The following FRMPD2 variants were observed in gnomAD, a reference collection of about 807,000 sequenced individuals.
FRMPD2 encodes FERM and PDZ domain-containing protein 2.
FRMPD2 carries 96 observed loss-of-function variants against 140.1 expected under a neutral mutation model. The observed-to-expected ratio is 0.69, with a 90% CI of 0.58 to 0.81. The LOEUF (loss-of-function observed/expected upper bound fraction) is 0.81. Ranked by LOEUF, FRMPD2 falls within the 40% of genes least tolerant of loss-of-function variation. The probability of loss-of-function intolerance (pLI) is 0.00; values close to 1 mark genes in which losing one functional copy is unlikely to be tolerated. For synonymous variants in FRMPD2, 449 were observed against 547.6 expected (o/e 0.82, Z 2.52); for missense variants, 1,240 against 1,447.4 (o/e 0.86, Z 2.32).
intron 9 of FRMPD2, among the ~76,000 whole-genome samples, chr10:48,235,756 A>C (rs940380242): frequency 6.6e-6 from 1 of 152,220 alleles, no homozygotes; most frequent in Non-Finnish European, 1.5e-5. Context: ...CTCGGCCCCA[A>C]CTGGGCCCTG....
chr10:48,247,986 T>C (rs1439629635), intron 3 of FRMPD2, among the ~76,000 whole-genome samples: 2 of 152,234 alleles, frequency 1.3e-5, no homozygotes, highest in South Asian at 4.1e-4. Flanking sequence ...GGAACTCTTA[T>C]GCTTTCACTT....
chr10:48,218,238 C>T (rs1402072074), intron 12 of FRMPD2, among the ~76,000 whole-genome samples: 1 of 152,174 alleles, frequency 6.6e-6, no homozygotes, highest in African/African-American at 2.4e-5. Flanking sequence ...TTTAAAGGCC[C>T]TAACTCCAAG....
At chr10:48,159,834 C>G (rs1333998066) in intron 28 of FRMPD2, among the ~76,000 whole-genome samples, 5 of 151,686 alleles carry the variant, frequency 3.3e-5, no homozygotes, top group Non-Finnish European at 1.5e-5. Context: ...CAAAGACCAA[C>G]TTTCCAACCG....
intron 7 of FRMPD2, 26 bp from the exon 8 acceptor site, chr10:48,238,149 A>G: frequency 1.2e-6 from 2 of 1,600,306 alleles, no homozygotes; most frequent in Non-Finnish European, 1.7e-6. Context: ...GAAGGGGTGA[A>G]GCACTTAGCA....
At chr10:48,252,470 G>C (rs796989931) in intron 1 of FRMPD2, among the ~76,000 whole-genome samples, 2 of 152,108 alleles carry the variant, frequency 1.3e-5, no homozygotes, top group South Asian at 4.1e-4. Context: ...TTTCTCTACA[G>C]CCAGAGCTCA....
At position 48,274,644 on chromosome 10, in the gene FRMPD2, T is replaced by A; in HGVS notation, c.-77A>T. 1 of 1,417,166 alleles carries A rather than the reference T, an allele frequency of 7.1e-7. No individual in the cohort carries two copies. Among genetic ancestry groups the A allele is most frequent in the East Asian group, 2.3e-5 (1 of 43,892 alleles). The allele number at this position is 1,417,166 out of a possible 1,614,324, so 87.8% of individuals were successfully genotyped here. A position where few individuals can be genotyped will look rare whatever the true frequency, so the allele number is the denominator to read the frequency against. ...ACAAGGAGCAGGGGTCTCTTGCAAGTCTGTCCGCGGAGCTCCCTGCCACCA... is the reference window on the plus strand; with the variant it reads ...ACAAGGAGCAGGGGTCTCTTGCAAGACTGTCCGCGGAGCTCCCTGCCACCA... On this transcript the variant is annotated 5_prime_UTR_variant, in exon 1 of 29. Transcript: ENST00000374201.
intron 20 of FRMPD2, among the ~76,000 whole-genome samples, chr10:48,181,736 A>T (rs1838553337): frequency 6.6e-6 from 1 of 151,908 alleles, no homozygotes; most frequent in Admixed American, 6.6e-5. Context: ...AGTAGAGATA[A>T]TATCAATATC....
chr10:48,271,170 T>A (rs1162453514), intron 1 of FRMPD2, among the ~76,000 whole-genome samples: 3 of 152,078 alleles, frequency 2.0e-5, no homozygotes, highest in African/African-American at 7.2e-5. Flanking sequence ...CCCATGGCCT[T>A]TTTCCAGCCT....
intron 1 of FRMPD2, among the ~76,000 whole-genome samples, chr10:48,265,312 A>T (rs1053028994): frequency 2.0e-5 from 3 of 152,222 alleles, no homozygotes; most frequent in Admixed American, 2.0e-4. Context: ...ACTGGCAAAG[A>T]TTTTATTACG....
chr10:48,210,309 AAAGATT>A (rs1484119157), intron 13 of FRMPD2, among the ~76,000 whole-genome samples: 1 of 152,238 alleles, frequency 6.6e-6, no homozygotes, highest in Non-Finnish European at 1.5e-5. Context: ...TGAAACCGAT[AAAGATT>A]ACATGTAAAT....
At chr10:48,190,027 G>A (rs924864915) in intron 16 of FRMPD2, among the ~76,000 whole-genome samples, 5 of 152,200 alleles carry the variant, frequency 3.3e-5, no homozygotes, top group East Asian at 1.9e-4. Context: ...ACTAGACCAC[G>A]GAGCAAGTAT....
intron 1 of FRMPD2, among the ~76,000 whole-genome samples, chr10:48,253,899 C>T (rs538707823): frequency 1.6e-4 from 25 of 152,076 alleles, no homozygotes; most frequent in Non-Finnish European, 2.5e-4. Context: ...CATAACTGAT[C>T]GGGTTTGCCA....
At chr10:48,161,802 G>T (rs1355141985) in intron 28 of FRMPD2, among the ~76,000 whole-genome samples, 2 of 151,448 alleles carry the variant, frequency 1.3e-5, no homozygotes, top group Non-Finnish European at 2.9e-5. Context: ...TATTGAACAG[G>T]CTGATTTTCT....
At chr10:48,250,765 T>A (rs946552300) in intron 2 of FRMPD2, among the ~76,000 whole-genome samples, 1 of 148,362 alleles carries the variant, frequency 6.7e-6, no homozygotes, top group Non-Finnish European at 1.5e-5. Context: ...TCTATTAACC[T>A]CCCCTGTTTA....
intron 24 of FRMPD2, among the ~76,000 whole-genome samples, chr10:48,174,418 G>A (rs1272331483): frequency 5.9e-5 from 9 of 152,202 alleles, no homozygotes; most frequent in Non-Finnish European, 1.0e-4. Context: ...TCTGACCCAC[G>A]CCCTGGTGGG....
At chr10:48,268,926 T>C (rs993331818) in intron 1 of FRMPD2, among the ~76,000 whole-genome samples, 3 of 152,242 alleles carry the variant, frequency 2.0e-5, no homozygotes, top group Admixed American at 6.5e-5. Flanking sequence ...TTCTCTGTGC[T>C]CTTTGCAACT....
chr10:48,207,295 G>C (rs1355173735), intron 13 of FRMPD2, among the ~76,000 whole-genome samples: 1 of 152,138 alleles, frequency 6.6e-6, no homozygotes, highest in Non-Finnish European at 1.5e-5. Flanking sequence ...CTCAAGGTAA[G>C]AGATTTCTTT....
intron 9 of FRMPD2, among the ~76,000 whole-genome samples, chr10:48,233,237 G>A (rs1408847064): frequency 6.6e-6 from 1 of 152,170 alleles, no homozygotes; most frequent in Non-Finnish European, 1.5e-5. Context: ...CACTCCAGGG[G>A]CCAGAGCAGA....
intron 1 of FRMPD2, among the ~76,000 whole-genome samples, chr10:48,270,566 A>T (rs987202670): frequency 2.0e-5 from 3 of 152,096 alleles, no homozygotes; most frequent in South Asian, 4.2e-4. Flanking sequence ...CATGCTCCAA[A>T]GTTACCAACC....
Sources: gnomAD v4.1 joint callset for allele counts (sites outside exome capture counted in the v4.1 genomes callset) on GRCh38, gnomAD v4.1.1 for gene constraint, MANE v1.5 for transcripts, NCBI Gene and HGNC (gene_info 2026-07-23, HGNC 2026-07-21) for gene names.